DDX10: variants seen among roughly 807,000 people sequenced by gnomAD.
DDX10 encodes DEAD-box helicase 10, also known as probable ATP-dependent RNA helicase DDX10.
Under a neutral mutation model 104.3 loss-of-function variants are expected in DDX10, and 74 were observed. The observed-to-expected ratio is 0.71, with a 90% CI of 0.59 to 0.86. The LOEUF (loss-of-function observed/expected upper bound fraction) is 0.86. Among genes scored for constraint, DDX10 ranks in the 40% least tolerant of loss-of-function variants. The probability of loss-of-function intolerance (pLI) is 0.00; values close to 1 mark genes in which losing one functional copy is unlikely to be tolerated. For missense variants in DDX10, 952 were observed against 1,040.0 expected, an observed-to-expected ratio of 0.92 and a Z score of 1.16; for synonymous variants, 351 against 353.4, an observed-to-expected ratio of 0.99 and a Z score of 0.08.
intron 16 of DDX10, among the ~76,000 whole-genome samples, chr11:108,898,563 T>C (rs1863470642): frequency 6.7e-6 from 1 of 150,250 alleles, no homozygotes; most frequent in Admixed American, 6.7e-5. Context: ...AGGAAAAGGA[T>C]CAGACAATAT....
At chr11:108,772,308 T>C (rs1044193986) in intron 13 of DDX10, among the ~76,000 whole-genome samples, 8 of 152,126 alleles carry the variant, frequency 5.3e-5, no homozygotes, top group African/African-American at 1.4e-4. Context: ...AAGGAGATAA[T>C]TTTGGATTAG....
chr11:108,736,294 G>C (rs1202542440), intron 13 of DDX10, among the ~76,000 whole-genome samples: 5 of 151,654 alleles, frequency 3.3e-5, no homozygotes, highest in African/African-American at 1.2e-4. Flanking sequence ...ATTATACAGT[G>C]TTGTGGTGTG....
At chr11:108,739,671 T>C (rs1168317759) in intron 13 of DDX10, among the ~76,000 whole-genome samples, 7 of 152,172 alleles carry the variant, frequency 4.6e-5, no homozygotes, top group Admixed American at 1.3e-4. Context: ...AATTTGAGAG[T>C]GTACCGTCTG....
rs1451110455 is a variant in DDX10 at position 108,841,344 on chromosome 11, A to G, written c.2115A>G (p.Lys705=). The G allele has an allele frequency of 5.0e-6, 8 of 1,613,422 alleles. No homozygotes were observed. The highest frequency in any genetic ancestry group is 6.8e-6 in the Non-Finnish European group (8 of 1,179,842). ...ELVQQWPQMQ[K]SAIKDAEEDD... ...TTCAGCAGTGGCCACAAATGCAGAA[A>G]TCTGCCATCAAGGATGCTGAGGAAG... The change falls in exon 15 of 18, where the codon AAA becomes AAG. Residue 705 remains lysine (K), a synonymous_variant. Coordinates refer to ENST00000322536, the MANE Select transcript of DDX10 (RefSeq NM_004398.4).
chr11:108,846,094 A>AT (rs1233870495), intron 15 of DDX10, among the ~76,000 whole-genome samples: 4 of 152,220 alleles, frequency 2.6e-5, no homozygotes. Flanking sequence ...AATTATAACA[A>AT]TTTTTTACAT....
intron 16 of DDX10, among the ~76,000 whole-genome samples, chr11:108,917,583 T>C (rs895935616): frequency 2.6e-5 from 4 of 152,158 alleles, no homozygotes; most frequent in African/African-American, 9.7e-5. Flanking sequence ...TCTTTGATAA[T>C]TGAGTTGAGT....
At chr11:108,777,483 TG>T (rs2094371601) in intron 13 of DDX10, among the ~76,000 whole-genome samples, 1 of 152,134 alleles carries the variant, frequency 6.6e-6, no homozygotes, top group Non-Finnish European at 1.5e-5. Context: ...CCACTGCATC[TG>T]GATAAGTTTT....
chr11:108,887,958 T>TCCC (rs745864477), intron 16 of DDX10, among the ~76,000 whole-genome samples: 2 of 61,348 alleles, frequency 3.3e-5, no homozygotes, highest in African/African-American at 4.7e-5. Context: ...TACAGCTTTT[T>TCCC]TCCCCCCCAC....
chr11:108,680,342 G>A (rs1565244440), intron 6 of DDX10, among the ~76,000 whole-genome samples: 1 of 152,184 alleles, frequency 6.6e-6, no homozygotes, highest in Non-Finnish European at 1.5e-5. Flanking sequence ...AGCTTCCTGA[G>A]TAGCTGGGAC....
intron 16 of DDX10, among the ~76,000 whole-genome samples, chr11:108,881,143 C>G (rs1452365091): frequency 6.6e-6 from 1 of 152,150 alleles, no homozygotes; most frequent in Non-Finnish European, 1.5e-5. Flanking sequence ...AAAAAGGATT[C>G]AGTATTTTAT....
intron 13 of DDX10, among the ~76,000 whole-genome samples, chr11:108,733,863 C>T (rs1461836755): frequency 6.6e-6 from 1 of 151,976 alleles, no homozygotes; most frequent in Admixed American, 6.6e-5. Context: ...TTCCATGCTA[C>T]CCTTAAGTTC....
chr11:108,697,903 T>A (rs766247307), intron 9 of DDX10, among the ~76,000 whole-genome samples: 3 of 152,206 alleles, frequency 2.0e-5, no homozygotes, highest in Admixed American at 6.5e-5. Flanking sequence ...GGGTTGTGGG[T>A]AGAAGATGGG....
At chr11:108,879,639 CT>C (rs1369320315) in intron 16 of DDX10, among the ~76,000 whole-genome samples, 1 of 152,154 alleles carries the variant, frequency 6.6e-6, no homozygotes, top group African/African-American at 2.4e-5. Flanking sequence ...TTTATTTCAC[CT>C]GTTCTTATTA....
intron 16 of DDX10, among the ~76,000 whole-genome samples, chr11:108,887,780 G>T (rs1335789642): frequency 1.3e-5 from 2 of 152,062 alleles, no homozygotes; most frequent in Non-Finnish European, 1.5e-5. Flanking sequence ...GCTGGTTGTG[G>T]TAGTGGGTGC....
chr11:108,896,862 CT>C (rs1264298135), intron 16 of DDX10, among the ~76,000 whole-genome samples: 3 of 150,490 alleles, frequency 2.0e-5, no homozygotes, highest in Non-Finnish European at 4.4e-5. Context: ...TTTCAGTTGA[CT>C]GGGGGGAAAA....
chr11:108,775,328 T>C (rs2094368528), intron 13 of DDX10, among the ~76,000 whole-genome samples: 1 of 152,206 alleles, frequency 6.6e-6, no homozygotes, highest in Non-Finnish European at 1.5e-5. Context: ...CTATGAAGAC[T>C]TTGACCTTCA....
chr11:108,939,633 A>G (rs1400117786), intron 17 of DDX10, among the ~76,000 whole-genome samples: 1 of 152,198 alleles, frequency 6.6e-6, no homozygotes, highest in African/African-American at 2.4e-5. Flanking sequence ...TTCAGAAATT[A>G]GCTTTGTTTT....
chr11:108,760,472 T>G (rs953846468), intron 13 of DDX10, among the ~76,000 whole-genome samples: 14 of 152,070 alleles, frequency 9.2e-5, no homozygotes, highest in African/African-American at 1.9e-4. Context: ...TCATGCATGT[T>G]TTCATATTAG....
chr11:108,806,599 A>G (rs866138411), intron 13 of DDX10, among the ~76,000 whole-genome samples: 9 of 152,316 alleles, frequency 5.9e-5, no homozygotes, highest in Middle Eastern at 3.4e-3. Context: ...TACAGTGAGC[A>G]CTGTGAAGGA....
Sources: allele counts gnomAD v4.1 joint callset (sites outside exome capture counted in the v4.1 genomes callset), GRCh38; gene constraint gnomAD v4.1.1; transcripts MANE v1.5; gene names NCBI Gene and HGNC (gene_info 2026-07-23, HGNC 2026-07-21).